PPFIBP2: variants seen among roughly 807,000 people sequenced by gnomAD.
PPFIBP2 encodes the protein liprin-beta-2.
Under a neutral mutation model 118.3 loss-of-function variants are expected in PPFIBP2, and 118 were observed. That is an observed-to-expected ratio of 1.00 (90% CI 0.86 to 1.16). PPFIBP2 has a LOEUF of 1.16. Ranked by LOEUF, PPFIBP2 falls within the 50% of genes most tolerant of loss-of-function variation. The pLI, the probability that PPFIBP2 is intolerant of heterozygous loss-of-function variation, is 0.00. For synonymous variants in PPFIBP2, 414 were observed against 397.4 expected (o/e 1.04, Z -0.50); for missense variants, 1,195 against 1,073.1 (o/e 1.11, Z -1.59).
chr11:7,641,900 T>C, intron 16 of PPFIBP2: 1 of 468,288 alleles, frequency 2.1e-6, no homozygotes. Flanking sequence ...TATATTACAT[T>C]GGATCTGGCA....
Position 7,628,295 on chromosome 11 carries a change from T to G in PPFIBP2, c.837T>G (p.Ile279Met), listed in dbSNP as rs201032463. 1.2e-4 allele frequency: 198 copies of G among 1,613,700 alleles called. No individual in the cohort carries two copies. Among genetic ancestry groups the G allele is most frequent in the Non-Finnish European group, 1.6e-4 (185 of 1,179,774 alleles). Residue 279 changes from isoleucine (I) to methionine (M), a missense_variant, in exon 9 of 24, where the codon ATT becomes ATG. Transcript: ENST00000299492. Reference sequence around the variant, plus strand: ...CCTGAATTCTTTTAGACCAAGAAATTCAACGTCTGAAAATGGGGATGGAAA... The same window carrying G: ...CCTGAATTCTTTTAGACCAAGAAATGCAACGTCTGAAAATGGGGATGGAAA... The part of the protein sequence containing the change: ...SESHTERDQE[I>M]QRLKMGMETL...
downstream of PPFIBP2, among the ~76,000 whole-genome samples, chr11:7,655,664 C>G (rs747917469): frequency 6.6e-6 from 1 of 152,054 alleles, no homozygotes; most frequent in Non-Finnish European, 1.5e-5. Context: ...GAAAGCAGCC[C>G]AGGGGCCTTC....
intron 7 of PPFIBP2, among the ~76,000 whole-genome samples, chr11:7,623,109 G>T (rs1006614400): frequency 6.6e-6 from 1 of 152,262 alleles, no homozygotes; most frequent in East Asian, 1.9e-4. Flanking sequence ...TCACATCTGG[G>T]TCTCTGTCAT....
intron 1 of PPFIBP2, among the ~76,000 whole-genome samples, chr11:7,542,541 A>G (rs373386966): frequency 2.5e-4 from 38 of 152,252 alleles, no homozygotes; most frequent in African/African-American, 8.7e-4. Context: ...TTTTTTAGTC[A>G]TGTATTTTTA....
Position 7,635,551 on chromosome 11 carries a change from G to A in PPFIBP2, c.1195-1G>A. On this transcript the variant is annotated splice_acceptor_variant, in intron 13 of 23. Transcript: ENST00000299492. LOFTEE classifies it high-confidence loss of function. The stretch of plus-strand genomic sequence containing the variant: ...AACGAAATCCTCATGTTACTCCATA[G>A]TGTATGGATGGGAACCAGCCCTTCC... The A allele has an allele frequency of 6.2e-7, 1 of 1,608,506 alleles. No individual in the cohort carries two copies.
chr11:7,589,607 C>G (rs1174860488), intron 3 of PPFIBP2, among the ~76,000 whole-genome samples: 1 of 151,070 alleles, frequency 6.6e-6, no homozygotes, highest in Non-Finnish European at 1.5e-5. Flanking sequence ...GAACAACCCC[C>G]TCCCAAAAAA....
chr11:7,516,772 C>T (rs1029366056), intron 1 of PPFIBP2, among the ~76,000 whole-genome samples: 1 of 152,148 alleles, frequency 6.6e-6, no homozygotes, highest in Admixed American at 6.5e-5. Flanking sequence ...TGTCTTCTGG[C>T]CGGCTGTCTT....
chr11:7,586,530 C>T (rs577519888), intron 3 of PPFIBP2, among the ~76,000 whole-genome samples: 6 of 152,290 alleles, frequency 3.9e-5, no homozygotes, highest in East Asian at 3.9e-4. Context: ...TAGTGCCACA[C>T]GTTTTCAGGT....
At chr11:7,625,689 C>T in intron 7 of PPFIBP2, 88 bp from the exon 8 acceptor site, 1 of 1,021,832 alleles carries the variant, frequency 9.8e-7, no homozygotes, top group Non-Finnish European at 1.5e-6. Context: ...ACCCTGGTGC[C>T]TGATGGGGTC....
chr11:7,518,498 G>A (rs939937582), intron 1 of PPFIBP2, among the ~76,000 whole-genome samples: 3 of 152,096 alleles, frequency 2.0e-5, no homozygotes, highest in Non-Finnish European at 4.4e-5. Flanking sequence ...AATCTCAGTG[G>A]GAGTCCTGGT....
Position 7,642,319 on chromosome 11 carries a change from A to T in PPFIBP2, c.1539A>T (p.Gly513=), listed in dbSNP as rs749945515. ...FWGKIRRTQS[G]NFYTDTLGMA... is the part of the protein sequence containing the mutation. ...GCAGAATCCGAAGAACTCAGTCAGG[A>T]AATTTCTACACTGACACGCTGGGGA... is the stretch of plus-strand genomic sequence containing the variant. The change falls in exon 17 of 24, where the codon GGA becomes GGT. Residue 513 remains glycine, a synonymous_variant. Transcript: ENST00000299492. 2.2e-5 allele frequency: 35 copies of T among 1,614,044 alleles called. No individual in the cohort carries two copies. Among genetic ancestry groups the T allele is most frequent in the Non-Finnish European group, 2.8e-5 (33 of 1,180,026 alleles).
At position 7,646,831 on chromosome 11, in the gene PPFIBP2, A is replaced by G. The variant is rs1212090797; in HGVS notation, c.1647-1556A>G. ...AATCAAACTATAGAGGTACATCAAG[A>G]TTTTATATAATGAAATATTTCTAGA... is the stretch of plus-strand genomic sequence containing the variant. On this transcript the variant is annotated intron_variant, in intron 17 of 23. Coordinates refer to ENST00000299492, the MANE Select transcript of PPFIBP2 (RefSeq NM_003621.5). Among the ~76,000 whole-genome samples the G allele has an allele frequency of 3.3e-5, 5 of 152,176 alleles. No individual in the cohort carries two copies. The East Asian group carries it at 7.7e-4, about 23-fold the overall frequency.
chr11:7,540,199 A>G (rs1326107120), intron 1 of PPFIBP2, among the ~76,000 whole-genome samples: 1 of 152,040 alleles, frequency 6.6e-6, no homozygotes, highest in Non-Finnish European at 1.5e-5. Flanking sequence ...CCTTGGTAAG[A>G]TTTGTGAAAT....
chr11:7,656,536 A>C (rs1854706034), downstream of PPFIBP2, among the ~76,000 whole-genome samples: 1 of 152,102 alleles, frequency 6.6e-6, no homozygotes, highest in African/African-American at 2.4e-5. Context: ...TAAGATGAAC[A>C]ATTTATTTTT....
At position 7,565,537 on chromosome 11, in the gene PPFIBP2, C is replaced by A. The variant is rs369678112; in HGVS notation, c.65-16C>A. On this transcript the variant is annotated splice_polypyrimidine_tract_variant and intron_variant, in intron 2 of 23. Coordinates refer to ENST00000299492, the MANE Select transcript of PPFIBP2 (RefSeq NM_003621.5). ...TCCACCCTTCTTACTGAGTTTTCACCTCTCTCTCATTGCAGGCACTAAAAC... is the reference window on the plus strand; with the variant it reads ...TCCACCCTTCTTACTGAGTTTTCACATCTCTCTCATTGCAGGCACTAAAAC... 235 of 1,613,502 alleles carry A rather than the reference C, an allele frequency of 1.5e-4. 6 individuals are homozygous for A. The South Asian group carries it at 2.4e-3, about 16-fold the overall frequency.
Position 7,653,341 on chromosome 11 carries a change from G to T in PPFIBP2, c.*123G>T. 1 of 1,500,086 alleles carries T rather than the reference G, an allele frequency of 6.7e-7. No individual in the cohort carries two copies. Among genetic ancestry groups the T allele is most frequent in the Non-Finnish European group, 8.9e-7 (1 of 1,128,298 alleles). 92.9% of individuals were successfully genotyped at this position (1,500,086 alleles called of 1,614,324 possible). Reference sequence around the variant, plus strand: ...TCGCAGAGAATATTCCAGCAATTGTGTACCCCTGGGCCAGTCTCTTTGAAC... The same window carrying T: ...TCGCAGAGAATATTCCAGCAATTGTTTACCCCTGGGCCAGTCTCTTTGAAC... On this transcript the variant is annotated 3_prime_UTR_variant, in exon 24 of 24. Coordinates refer to ENST00000299492, the MANE Select transcript of PPFIBP2 (RefSeq NM_003621.5).
At chr11:7,560,563 T>C (rs1854187193) in intron 2 of PPFIBP2, among the ~76,000 whole-genome samples, 1 of 152,256 alleles carries the variant, frequency 6.6e-6, no homozygotes, top group East Asian at 1.9e-4. Context: ...GGGGGATTTT[T>C]CCCCTACTTT....
intron 5 of PPFIBP2, among the ~76,000 whole-genome samples, chr11:7,600,192 C>T (rs1327626626): frequency 6.6e-6 from 1 of 152,162 alleles, no homozygotes; most frequent in African/African-American, 2.4e-5. Flanking sequence ...GTGCTCCTTT[C>T]TTAACAAATT....
intron 13 of PPFIBP2, among the ~76,000 whole-genome samples, chr11:7,634,861 G>A (rs1260626705): frequency 6.6e-6 from 1 of 152,164 alleles, no homozygotes; most frequent in Non-Finnish European, 1.5e-5. Flanking sequence ...AGGAGGTAAG[G>A]TCAGAGCCAT....
Sources: gnomAD v4.1 joint callset for allele counts (sites outside exome capture counted in the v4.1 genomes callset) on GRCh38, gnomAD v4.1.1 for gene constraint, MANE v1.5 for transcripts, NCBI Gene and HGNC (gene_info 2026-07-23, HGNC 2026-07-21) for gene names.